The following EFCAB8 variants were observed in gnomAD, a reference collection of about 807,000 sequenced individuals.
EFCAB8 encodes the protein EF-hand calcium-binding domain-containing protein 8.
Under a neutral mutation model 116.3 loss-of-function variants are expected in EFCAB8, and 100 were observed. The ratio of observed to expected loss-of-function variants is 0.86; its 90% CI spans 0.73 to 1.02. The LOEUF (loss-of-function observed/expected upper bound fraction) is 1.02, where lower values mean the gene tolerates loss of function less well. Ranked by LOEUF, EFCAB8 falls within the 50% of genes least tolerant of loss-of-function variation. EFCAB8 has a pLI of 0.00. For synonymous variants in EFCAB8, 558 were observed against 567.9 expected (o/e 0.98, Z 0.25); for missense variants, 1,320 against 1,416.9 (o/e 0.93, Z 1.10).
rs1189987165 is a variant in EFCAB8, at chr20:32,917,377, A to G, written c.1933A>G (p.Lys645Glu). Residue 645 changes from lysine to glutamate, a missense_variant, in exon 18 of 27, where the codon AAG becomes GAG. Transcript: ENST00000400522. ...CACGGAGGACATCCTGAGCATGGCC[A>G]AGTACCGGAACCAGTTCCTTGGGAC... Reference protein sequence around the residue: ...YHTEDILSMAKYRNQFLGTSS... With the variant: ...YHTEDILSMAEYRNQFLGTSS... The G allele has an allele frequency of 1.3e-6, 2 of 1,551,718 alleles. No individual in the cohort carries two copies. Among genetic ancestry groups the G allele is most frequent in the South Asian group, 2.4e-5 (2 of 84,068 alleles).
intron 13 of EFCAB8, chr20:32,907,212 TG>T (rs1986720108): frequency 1.5e-5 from 11 of 715,392 alleles, no homozygotes; most frequent in Non-Finnish European, 1.9e-5. Context: ...TTTGTGACCC[TG>T]GCAAGTCCTT....
rs1568929483 is a variant in EFCAB8 at position 32,918,436 on chromosome 20, A to G, written c.2136A>G (p.Thr712=). The stretch of plus-strand genomic sequence containing the variant: ...CCTATGTGGAGCGGGAGAAGTGGAC[A>G]TACAAGACCTCCAGGAAGCTCTCCA... ...SRPYVEREKW[T]YKTSRKLSSL... is the part of the protein sequence containing the mutation. Residue 712 remains threonine, a synonymous_variant, in exon 19 of 27, where the codon ACA becomes ACG. Coordinates refer to ENST00000400522, the MANE Select transcript of EFCAB8 (RefSeq NM_001143967.2). 1.3e-6 allele frequency: 2 copies of G among 1,551,742 alleles called. No homozygotes were observed.
intron 22 of EFCAB8, among the ~76,000 whole-genome samples, chr20:32,933,379 C>T (rs6057674): frequency 0.69 from 104,285 of 152,108 alleles, 36,594 homozygotes; most frequent in African/African-American, 0.78. Flanking sequence ...ATTTCTGAGG[C>T]ACAGTGTGCT....
chr20:32,952,536 A>G (rs1016976564), intron 23 of EFCAB8, among the ~76,000 whole-genome samples: 1 of 152,198 alleles, frequency 6.6e-6, no homozygotes, highest in Admixed American at 6.5e-5. Flanking sequence ...TTTGTCAAAA[A>G]TCAATTTGTT....
At chr20:32,918,259 G>C (rs1056098490) in intron 18 of EFCAB8, 103 bp from the exon 19 acceptor site, 52 of 1,186,998 alleles carry the variant, frequency 4.4e-5, no homozygotes, top group Middle Eastern at 2.4e-4. Context: ...AGCAAGCCCT[G>C]GGGGGCTGGA....
intron 6 of EFCAB8, among the ~76,000 whole-genome samples, chr20:32,888,635 C>T (rs1600386869): frequency 6.6e-6 from 1 of 152,036 alleles, no homozygotes. Flanking sequence ...AGATTACAGG[C>T]GTGAGCCACT....
chr20:32,912,868 A>G lies in EFCAB8; in HGVS notation c.1856+4A>G. The G allele has an allele frequency of 1.4e-6, 1 of 718,884 alleles. No homozygotes were observed. The highest frequency in any genetic ancestry group is 2.6e-6 in the Non-Finnish European group (1 of 385,124). The allele number at this position is 718,884 out of a possible 1,614,324, so 44.5% of individuals were successfully genotyped here. A position where few individuals can be genotyped will look rare whatever the true frequency, so the allele number is the denominator to read the frequency against. Reference sequence around the variant, plus strand: ...GTAAGAGAATCACTCATTTCCTGTGAGTAGAAAGCATGTATGGTGAGTAGG... The same window carrying G: ...GTAAGAGAATCACTCATTTCCTGTGGGTAGAAAGCATGTATGGTGAGTAGG... On this transcript the variant is annotated splice_donor_region_variant and intron_variant, in intron 17 of 26. Coordinates refer to ENST00000400522, the MANE Select transcript of EFCAB8 (RefSeq NM_001143967.2).
At chr20:32,894,364 C>G (rs1001128287) in intron 9 of EFCAB8, among the ~76,000 whole-genome samples, 13 of 152,210 alleles carry the variant, frequency 8.5e-5, no homozygotes, top group Non-Finnish European at 1.5e-5. Flanking sequence ...TGGGCTGGCA[C>G]CCTGCTTGCC....
chr20:32,888,961 G>C (rs1377014872), intron 6 of EFCAB8, among the ~76,000 whole-genome samples: 1 of 151,616 alleles, frequency 6.6e-6, no homozygotes, highest in Non-Finnish European at 1.5e-5. Context: ...TTTTTTTTGT[G>C]GGGGGCGGGG....
rs1306078444 is a variant in EFCAB8 at position 32,917,134 on chromosome 20, CG to C, written c.1857-166del. 17 of 607,530 alleles carry C rather than the reference CG, an allele frequency of 2.8e-5. No individual in the cohort carries two copies. In the Admixed American group the frequency reaches 5.0e-4, roughly 18 times the overall value. The allele number at this position is 607,530 out of a possible 1,614,324, so 37.6% of individuals were successfully genotyped here. A position where few individuals can be genotyped will look rare whatever the true frequency, so the allele number is the denominator to read the frequency against. On this transcript the variant is annotated intron_variant, in intron 17 of 26. Coordinates refer to ENST00000400522, the MANE Select transcript of EFCAB8 (RefSeq NM_001143967.2). The stretch of plus-strand genomic sequence containing the variant: ...GCCTTTGTAGAAAGCATGTAGTAAG[CG>C]CTTAGTAAATGAGGTCAATGGGACA...
At chr20:32,913,199 A>T (rs1987023639) in intron 17 of EFCAB8, among the ~76,000 whole-genome samples, 1 of 152,182 alleles carries the variant, frequency 6.6e-6, no homozygotes, top group Non-Finnish European at 1.5e-5. Flanking sequence ...TAAACAACAT[A>T]AATTTATTTA....
At chr20:32,875,280 A>T (rs1214463450) in intron 3 of EFCAB8, among the ~76,000 whole-genome samples, 1 of 152,070 alleles carries the variant, frequency 6.6e-6, no homozygotes, top group Non-Finnish European at 1.5e-5. Context: ...GAATTGGCCT[A>T]GCCTGGGGTG....
chr20:32,860,595 C>A (rs911774617), intron 1 of EFCAB8, among the ~76,000 whole-genome samples: 1 of 149,730 alleles, frequency 6.7e-6, no homozygotes, highest in Non-Finnish European at 1.5e-5. Flanking sequence ...CAACCTCCAC[C>A]TCCTGGGTTC....
chr20:32,907,078 G>T, intron 13 of EFCAB8, 84 bp downstream of exon 13: 1 of 1,443,616 alleles, frequency 6.9e-7, no homozygotes, highest in South Asian at 1.5e-5. Context: ...CCCTGCCCAC[G>T]GCCCCACATC....
At chr20:32,934,560 T>G (rs1041275603) in intron 22 of EFCAB8, among the ~76,000 whole-genome samples, 1 of 152,238 alleles carries the variant, frequency 6.6e-6, no homozygotes, top group Non-Finnish European at 1.5e-5. Flanking sequence ...GTGGTTGATA[T>G]GGTTTGGTTG....
chr20:32,859,887 C>G (rs548627044), intron 1 of EFCAB8, among the ~76,000 whole-genome samples: 1 of 152,300 alleles, frequency 6.6e-6, no homozygotes, highest in South Asian at 2.1e-4. Flanking sequence ...AATAACAGCC[C>G]TTGCAGCATT....
chr20:32,944,739 G>A (rs1167124633), intron 23 of EFCAB8, among the ~76,000 whole-genome samples: 1 of 151,998 alleles, frequency 6.6e-6, no homozygotes, highest in Non-Finnish European at 1.5e-5. Flanking sequence ...CCTGGATATA[G>A]TATTTTTGGA....
chr20:32,875,910 T>G lies in EFCAB8; in HGVS notation c.209-16T>G, dbSNP rs1329537415. The G allele has an allele frequency of 6.5e-7, 1 of 1,550,154 alleles. No homozygotes were observed. Among genetic ancestry groups the G allele is most frequent in the Admixed American group, 2.0e-5 (1 of 50,990 alleles). On this transcript the variant is annotated splice_polypyrimidine_tract_variant and intron_variant, in intron 3 of 26. Transcript: ENST00000400522. ...TTGTGAGGAAGGGGATGATGCTCTC[T>G]GTTCTCTCTTTGAAGCCCTGGGCAT...
Position 32,918,361 on chromosome 20 carries a change from G to C in EFCAB8, c.2062-1G>C. 1.9e-6 allele frequency: 3 copies of C among 1,551,732 alleles called. No homozygotes were observed. Among genetic ancestry groups the C allele is most frequent in the Non-Finnish European group, 2.6e-6 (3 of 1,147,006 alleles). On this transcript the variant is annotated splice_acceptor_variant, in intron 18 of 26. Coordinates refer to ENST00000400522, the MANE Select transcript of EFCAB8 (RefSeq NM_001143967.2). LOFTEE classifies it high-confidence loss of function. ...TAGGGGCTGCTTTCTTCTTGGTACA[G>C]GTGCAAGATGTGAACAACTGCCTGG...
Sources: allele counts gnomAD v4.1 joint callset (sites outside exome capture counted in the v4.1 genomes callset), GRCh38; gene constraint gnomAD v4.1.1; transcripts MANE v1.5; gene names NCBI Gene and HGNC (gene_info 2026-07-23, HGNC 2026-07-21).